The following DOCK4 variants were observed in gnomAD, a reference collection of about 807,000 sequenced individuals.
DOCK4 encodes dedicator of cytokinesis protein 4.
A neutral mutation model predicts 268.1 loss-of-function variants in DOCK4; 97 were observed. That is an observed-to-expected ratio of 0.36 (90% CI 0.31 to 0.43). The LOEUF (loss-of-function observed/expected upper bound fraction) is 0.43. DOCK4 is among the 20% of genes least tolerant of loss of function. The pLI, the probability that DOCK4 is intolerant of heterozygous loss-of-function variation, is 1.00. For missense variants in DOCK4, 2,145 were observed against 2,455.7 expected (o/e 0.87, Z 2.67); for synonymous variants, 954 against 887.2 (o/e 1.08, Z -1.34).
chr7:111,749,319 A>C (rs924575550), intron 42 of DOCK4, among the ~76,000 whole-genome samples: 5 of 152,204 alleles, frequency 3.3e-5, no homozygotes, highest in African/African-American at 9.7e-5. Flanking sequence ...ACATCTTAGA[A>C]CATAGAATGG....
chr7:111,773,596 T>G (rs931866208), intron 36 of DOCK4, among the ~76,000 whole-genome samples: 1 of 152,174 alleles, frequency 6.6e-6, no homozygotes, highest in Non-Finnish European at 1.5e-5. Context: ...TTACCAATAT[T>G]GAGAAAGAAA....
At chr7:111,978,254 C>T (rs1308102368) in intron 7 of DOCK4, among the ~76,000 whole-genome samples, 2 of 152,154 alleles carry the variant, frequency 1.3e-5, no homozygotes, top group African/African-American at 4.8e-5. Context: ...ATTTTTGAGG[C>T]AGTATCTTGC....
chr7:111,846,967 G>C, intron 24 of DOCK4, 32 bp downstream of exon 24: 1 of 1,582,618 alleles, frequency 6.3e-7, no homozygotes, highest in Non-Finnish European at 8.6e-7. Context: ...CCATTTGAAG[G>C]GAGCTATATA....
intron 8 of DOCK4, among the ~76,000 whole-genome samples, chr7:111,974,175 G>A (rs543848745): frequency 1.3e-4 from 20 of 152,022 alleles, no homozygotes; most frequent in Non-Finnish European, 1.9e-4. Context: ...ATGCAGGGAC[G>A]GTGAACTGCC....
intron 1 of DOCK4, among the ~76,000 whole-genome samples, chr7:112,154,528 G>A (rs186304053): frequency 3.3e-4 from 51 of 152,254 alleles, no homozygotes; most frequent in Admixed American, 3.0e-3. Flanking sequence ...CGCTTAACAA[G>A]TATTAGACAA....
chr7:111,998,782 T>G (rs1302855391), intron 3 of DOCK4, among the ~76,000 whole-genome samples: 3 of 152,112 alleles, frequency 2.0e-5, no homozygotes, highest in Non-Finnish European at 4.4e-5. Context: ...AAACAGAAAA[T>G]AAGAAAATTT....
rs1007265955 is a variant in DOCK4 at position 111,998,305 on chromosome 7, C to A, written c.218+143G>T. The stretch of plus-strand genomic sequence containing the variant: ...ATTTTCTCCACCAACGGTCTTAATG[C>A]AATATATCTTTAACAAAGAACACAG... On this transcript the variant is annotated intron_variant, in intron 4 of 52. Transcript: ENST00000428084. 4 of 633,994 alleles carry A rather than the reference C, an allele frequency of 6.3e-6. No homozygotes were observed. The Admixed American group carries it at 1.1e-4, about 17-fold the overall frequency. The allele number at this position is 633,994 out of a possible 1,614,324, so 39.3% of individuals were successfully genotyped here. A position where few individuals can be genotyped will look rare whatever the true frequency, so the allele number is the denominator to read the frequency against.
intron 1 of DOCK4, among the ~76,000 whole-genome samples, chr7:112,096,316 G>T (rs1025957962): frequency 6.6e-5 from 10 of 152,004 alleles, no homozygotes; most frequent in African/African-American, 2.2e-4. Flanking sequence ...ACATGCACAT[G>T]CCACCATGCT....
intron 1 of DOCK4, among the ~76,000 whole-genome samples, chr7:112,089,050 T>C (rs765229708): frequency 2.0e-5 from 3 of 152,198 alleles, no homozygotes; most frequent in Admixed American, 6.5e-5. Context: ...TTAATAATTG[T>C]TATGAAATGA....
intron 1 of DOCK4, among the ~76,000 whole-genome samples, chr7:112,148,748 A>G (rs1291065039): frequency 6.6e-6 from 1 of 152,184 alleles, no homozygotes; most frequent in Non-Finnish European, 1.5e-5. Flanking sequence ...TTTTTGGTTA[A>G]GAGCCCCTGC....
At chr7:112,047,285 A>C (rs1352161262) in intron 1 of DOCK4, among the ~76,000 whole-genome samples, 1 of 152,240 alleles carries the variant, frequency 6.6e-6, no homozygotes, top group Non-Finnish European at 1.5e-5. Context: ...ATTTACAGAT[A>C]TTCAAAATAT....
At chr7:112,117,358 C>A (rs1177283984) in intron 1 of DOCK4, among the ~76,000 whole-genome samples, 3 of 136,072 alleles carry the variant, frequency 2.2e-5, no homozygotes, top group African/African-American at 7.8e-5. Context: ...AGCTTCATAC[C>A]TTTTCTTTCT....
At chr7:112,104,952 G>T (rs773239393) in intron 1 of DOCK4, among the ~76,000 whole-genome samples, 2 of 152,124 alleles carry the variant, frequency 1.3e-5, no homozygotes, top group Non-Finnish European at 2.9e-5. Flanking sequence ...ACATTCAAGA[G>T]TAACTATTAT....
intron 16 of DOCK4, among the ~76,000 whole-genome samples, chr7:111,889,782 C>A (rs569253809): frequency 1.3e-5 from 2 of 152,326 alleles, no homozygotes; most frequent in African/African-American, 4.8e-5. Flanking sequence ...CCCTCTCCAA[C>A]CAGGAAACAG....
At position 112,206,355 on chromosome 7, in the gene DOCK4, C is replaced by T; in HGVS notation, c.-217G>A. ...CCGGCGGCGGCTGCTCACAGTCCTC[C>T]GACGCGCTCCCGGGTACCCGGCGGC... On this transcript the variant is annotated 5_prime_UTR_variant, in exon 1 of 53. Coordinates refer to ENST00000428084, the MANE Select transcript of DOCK4 (RefSeq NM_001363540.2). 1.7e-6 allele frequency: 1 copy of T among 591,210 alleles called. No homozygotes were observed. Among genetic ancestry groups the T allele is most frequent in the East Asian group, 3.0e-5 (1 of 33,868 alleles). The allele number at this position is 591,210 out of a possible 1,614,324, so 36.6% of individuals were successfully genotyped here.
intron 42 of DOCK4, among the ~76,000 whole-genome samples, 186 bp from the exon 43 acceptor site, chr7:111,747,629 G>A (rs1250824726): frequency 2.6e-5 from 4 of 152,170 alleles, no homozygotes; most frequent in Non-Finnish European, 4.4e-5. Flanking sequence ...AGCAAGGTTT[G>A]GAAAGGGCAG....
In DOCK4 at chr7:111,990,084, C is replaced by T. The variant is rs529393811; in HGVS notation, c.316-921G>A. Among the ~76,000 whole-genome samples, 147 of 152,174 alleles carry T rather than the reference C, an allele frequency of 9.7e-4. 1 individual carries two copies. Among genetic ancestry groups the T allele is most frequent in the Admixed American group, 9.2e-4 (14 of 15,284 alleles). ...GTGCTTGTTTTTTTCATCTGTAAAA[C>T]GGGTATTATAGTACCTACTTCTCAG... is the stretch of plus-strand genomic sequence containing the variant. On this transcript the variant is annotated intron_variant, in intron 5 of 52. Transcript: ENST00000428084.
intron 1 of DOCK4, among the ~76,000 whole-genome samples, chr7:112,135,446 A>G (rs1814240312): frequency 6.6e-6 from 1 of 152,190 alleles, no homozygotes; most frequent in Admixed American, 6.5e-5. Flanking sequence ...TGGAAAGACT[A>G]CATAAGACAT....
intron 17 of DOCK4, among the ~76,000 whole-genome samples, chr7:111,874,703 C>G (rs1347036498): frequency 6.6e-6 from 1 of 152,152 alleles, no homozygotes; most frequent in African/African-American, 2.4e-5. Flanking sequence ...ATGTACCTAA[C>G]CTATCAAGAG....
Sources: gnomAD v4.1 joint callset for allele counts (sites outside exome capture counted in the v4.1 genomes callset) on GRCh38, gnomAD v4.1.1 for gene constraint, MANE v1.5 for transcripts, NCBI Gene and HGNC (gene_info 2026-07-23, HGNC 2026-07-21) for gene names.